The following PPM1D variants were observed in gnomAD, a reference collection of about 807,000 sequenced individuals.
PPM1D encodes the protein protein phosphatase, Mg2+/Mn2+ dependent 1D.
Under a neutral mutation model 58.3 loss-of-function variants are expected in PPM1D, and 52 were observed. The ratio of observed to expected loss-of-function variants is 0.89; its 90% CI spans 0.71 to 1.12. The LOEUF (loss-of-function observed/expected upper bound fraction) is 1.12. PPM1D is among the 50% of genes most tolerant of loss of function. PPM1D has a pLI of 0.00. For missense variants in PPM1D, 564 were observed against 777.2 expected, an observed-to-expected ratio of 0.73 and a Z score of 3.26; for synonymous variants, 278 against 285.1, an observed-to-expected ratio of 0.98 and a Z score of 0.25.
Position 60,600,236 on chromosome 17 carries a change from C to G in PPM1D, c.-179C>G. 1 of 1,276,618 alleles carries G rather than the reference C, an allele frequency of 7.8e-7. No individual in the cohort carries two copies. The highest frequency in any genetic ancestry group is 1.0e-6 in the Non-Finnish European group (1 of 961,402). The allele number at this position is 1,276,618 out of a possible 1,614,324, so 79.1% of individuals were successfully genotyped here. A position where few individuals can be genotyped will look rare whatever the true frequency, so the allele number is the denominator to read the frequency against. On this transcript the variant is annotated 5_prime_UTR_variant, in exon 1 of 6. Coordinates refer to ENST00000305921, the MANE Select transcript of PPM1D (RefSeq NM_003620.4). ...CCTGGCTCTGCTCGCTCCGGCGCTC[C>G]GGCCCAGCTCTCGCGGACAAGTCCA...
chr17:60,658,843 T>C (rs2031483504), intron 5 of PPM1D, among the ~76,000 whole-genome samples: 1 of 151,964 alleles, frequency 6.6e-6, no homozygotes, highest in Non-Finnish European at 1.5e-5. Flanking sequence ...GTGCCTGTAA[T>C]CCCAGCTACT....
chr17:60,651,542 C>T (rs866084518), intron 4 of PPM1D, among the ~76,000 whole-genome samples: 6 of 151,894 alleles, frequency 4.0e-5, no homozygotes, highest in South Asian at 2.1e-4. Flanking sequence ...GGACTACAGG[C>T]GCGCGCCACC....
At chr17:60,611,140 C>A (rs1331434958) in intron 1 of PPM1D, among the ~76,000 whole-genome samples, 1 of 152,192 alleles carries the variant, frequency 6.6e-6, no homozygotes, top group East Asian at 1.9e-4. Flanking sequence ...CCTGCCTCAG[C>A]CTCCCAAAGT....
At chr17:60,607,122 A>T (rs2030346742) in intron 1 of PPM1D, among the ~76,000 whole-genome samples, 1 of 151,666 alleles carries the variant, frequency 6.6e-6, no homozygotes, top group Non-Finnish European at 1.5e-5. Context: ...AAGCCACCAC[A>T]TCCAGGCCTG....
chr17:60,602,688 T>C (rs1242701149), intron 1 of PPM1D, among the ~76,000 whole-genome samples: 1 of 151,060 alleles, frequency 6.6e-6, no homozygotes, highest in Non-Finnish European at 1.5e-5. Context: ...GTCACTCTTA[T>C]GATGCATAAA....
At chr17:60,617,641 C>T (rs180759764) in intron 1 of PPM1D, among the ~76,000 whole-genome samples, 4 of 152,120 alleles carry the variant, frequency 2.6e-5, no homozygotes, top group East Asian at 1.9e-4. Context: ...ATACAGTATA[C>T]TCTAGGCTGA....
rs569952171 is a variant in PPM1D, at chr17:60,622,969, C to T, written c.473-552C>T. Among the ~76,000 whole-genome samples the T allele has an allele frequency of 2.6e-5, 4 of 152,184 alleles. No homozygotes were observed. In the South Asian group the frequency reaches 8.3e-4, roughly 32 times the overall value. ...AAAATTAGCTGGGGATGGTGGCAGGCGCCTGTAATACCAGCTACTCGAGAG... is the reference window on the plus strand; with the variant it reads ...AAAATTAGCTGGGGATGGTGGCAGGTGCCTGTAATACCAGCTACTCGAGAG... On this transcript the variant is annotated intron_variant, in intron 1 of 5. Coordinates refer to ENST00000305921, the MANE Select transcript of PPM1D (RefSeq NM_003620.4).
At chr17:60,647,593 G>C (rs188920831) in intron 3 of PPM1D, among the ~76,000 whole-genome samples, 105 of 152,252 alleles carry the variant, frequency 6.9e-4, no homozygotes, top group African/African-American at 2.4e-3. Flanking sequence ...AGTATTAGAA[G>C]AGAAGCAATG....
chr17:60,624,376 A>G (rs781118360), intron 2 of PPM1D, among the ~76,000 whole-genome samples: 42 of 152,366 alleles, frequency 2.8e-4, no homozygotes, highest in Non-Finnish European at 4.6e-4. Flanking sequence ...GTAGAATCCA[A>G]TGTTTTCTAA....
At chr17:60,616,875 G>A (rs2030595672) in intron 1 of PPM1D, among the ~76,000 whole-genome samples, 1 of 152,032 alleles carries the variant, frequency 6.6e-6, no homozygotes, top group South Asian at 2.1e-4. Flanking sequence ...TTTTTCACTT[G>A]CCATTTTGTT....
intron 1 of PPM1D, among the ~76,000 whole-genome samples, chr17:60,612,403 C>T (rs2030476619): frequency 6.6e-6 from 1 of 151,664 alleles, no homozygotes; most frequent in Non-Finnish European, 1.5e-5. Context: ...GATGGTATAG[C>T]CTACTGCACA....
In PPM1D at chr17:60,665,969, C is replaced by T. The variant is rs1470477551; in HGVS notation, c.*2417C>T. ...AGCCTCTGAAAGTGTCATACCAATT[C>T]TGTATTTTGTTGGTCACACAGACCA... is the stretch of plus-strand genomic sequence containing the variant. On this transcript the variant is annotated 3_prime_UTR_variant, in exon 6 of 6. Coordinates refer to ENST00000305921, the MANE Select transcript of PPM1D (RefSeq NM_003620.4). The T allele has an allele frequency of 6.6e-6, 1 of 152,180 alleles. No individual in the cohort carries two copies. Among genetic ancestry groups the T allele is most frequent in the South Asian group, 2.1e-4 (1 of 4,832 alleles). The allele number at this position is 152,180 out of a possible 1,614,324, so 9.4% of individuals were successfully genotyped here.
intron 2 of PPM1D, among the ~76,000 whole-genome samples, chr17:60,630,091 C>T (rs944972088): frequency 1.3e-5 from 2 of 151,968 alleles, no homozygotes; most frequent in African/African-American, 2.4e-5. Context: ...GTAATCCTAG[C>T]GCTTTGGAGG....
intron 1 of PPM1D, among the ~76,000 whole-genome samples, chr17:60,601,929 C>CTTGT (rs2030221174): frequency 6.6e-6 from 1 of 152,130 alleles, no homozygotes; most frequent in East Asian, 1.9e-4. Context: ...GGGAAAAAAC[C>CTTGT]TTGTTTATGG....
At position 60,638,861 on chromosome 17, in the gene PPM1D, A is replaced by G. The variant is rs1034541510; in HGVS notation, c.826+4884A>G. On this transcript the variant is annotated intron_variant, in intron 3 of 5. Coordinates refer to ENST00000305921, the MANE Select transcript of PPM1D (RefSeq NM_003620.4). ...TGGGAATAGATGTCTCCTTGTCAAC[A>G]TTGGTACCCACCCTATAGACACTGA... is the stretch of plus-strand genomic sequence containing the variant. Among the ~76,000 whole-genome samples the G allele has an allele frequency of 3.9e-5, 6 of 152,112 alleles. No homozygotes were observed. In the South Asian group the frequency reaches 1.2e-3, roughly 32 times the overall value.
At chr17:60,614,807 C>T (rs2030547743) in intron 1 of PPM1D, among the ~76,000 whole-genome samples, 1 of 152,110 alleles carries the variant, frequency 6.6e-6, no homozygotes, top group South Asian at 2.1e-4. Context: ...AGCTTCATTC[C>T]TGAAGCCAGC....
At chr17:60,655,784 C>T (rs2031427510) in intron 4 of PPM1D, among the ~76,000 whole-genome samples, 2 of 151,496 alleles carry the variant, frequency 1.3e-5, no homozygotes, top group Admixed American at 1.3e-4. Context: ...TCACTGCAAC[C>T]TCCGCCTCCT....
intron 1 of PPM1D, among the ~76,000 whole-genome samples, chr17:60,621,958 C>A (rs1197317584): frequency 6.7e-6 from 1 of 149,732 alleles, no homozygotes; most frequent in South Asian, 2.1e-4. Context: ...GAGGCCAAGG[C>A]GGGCAGATCA....
intron 2 of PPM1D, among the ~76,000 whole-genome samples, chr17:60,626,360 A>G (rs2030807152): frequency 6.6e-6 from 1 of 152,088 alleles, no homozygotes; most frequent in African/African-American, 2.4e-5. Context: ...AGGTTTAAAA[A>G]AGAGGTGTCT....
Sources: allele counts gnomAD v4.1 joint callset (sites outside exome capture counted in the v4.1 genomes callset), GRCh38; gene constraint gnomAD v4.1.1; transcripts MANE v1.5; gene names NCBI Gene and HGNC (gene_info 2026-07-23, HGNC 2026-07-21).